The following NKTR variants were observed in gnomAD, a reference collection of about 807,000 sequenced individuals.
NKTR encodes the protein natural killer cell triggering receptor, also known as NK-tumor recognition protein.
In NKTR, 67 loss-of-function variants were observed where a neutral mutation model predicts 156.3. The observed-to-expected ratio is 0.43, with a 90% CI of 0.35 to 0.53. The LOEUF (loss-of-function observed/expected upper bound fraction) is 0.53, where lower values mean the gene tolerates loss of function less well. Among genes scored for constraint, NKTR ranks in the 20% least tolerant of loss-of-function variants. NKTR has a pLI of 0.01. For synonymous variants in NKTR, 640 were observed against 596.6 expected (o/e 1.07, Z -1.06); for missense variants, 1,604 against 1,730.9 (o/e 0.93, Z 1.30).
chr3:42,636,653 TA>T lies in NKTR; in HGVS notation c.1164-205del, dbSNP rs370983074. 8.3e-3 allele frequency among the ~76,000 whole-genome samples: 1,254 copies of T among 150,456 alleles called. 20 individuals carry two copies. The highest frequency in any genetic ancestry group is 0.029 in the African/African-American group (1,174 of 41,152). ...CAAATGTAAGGTTCTTTGCTTAGCT[TA>T]AAAAAAAAATCCTTTTGTAAGTGAA... On this transcript the variant is annotated intron_variant, in intron 12 of 16. Transcript: ENST00000232978.
intron 8 of NKTR, 75 bp from the exon 9 acceptor site, chr3:42,632,526 C>A: frequency 1.2e-6 from 1 of 823,898 alleles, no homozygotes; most frequent in South Asian, 1.8e-5. Flanking sequence ...TTATGATATT[C>A]AGTAATCACA....
chr3:42,633,700 A>G lies in NKTR; in HGVS notation c.894A>G (p.Arg298=). ...PPVPENRFLL[R]RDMPVVTAEP... ...TGCCTGAGAACCGATTTTTACTGAG[A>G]AGAGATATGCCTGTTGTTACTGCAG... The change falls in exon 10 of 17, where the codon AGA becomes AGG. Residue 298 remains arginine (R), a synonymous_variant. Transcript: ENST00000232978. 1.2e-6 allele frequency: 2 copies of G among 1,614,070 alleles called. No individual in the cohort carries two copies.
chr3:42,624,614 T>C (rs1315895008), intron 6 of NKTR, among the ~76,000 whole-genome samples: 1 of 152,138 alleles, frequency 6.6e-6, no homozygotes, highest in African/African-American at 2.4e-5. Flanking sequence ...ATTTACAATC[T>C]GGAAGAAACT....
intron 13 of NKTR, among the ~76,000 whole-genome samples, chr3:42,641,640 G>T (rs940416144): frequency 6.6e-6 from 1 of 152,152 alleles, no homozygotes; most frequent in Non-Finnish European, 1.5e-5. Flanking sequence ...AGTACTTTGG[G>T]AGGCCGAGGT....
chr3:42,624,655 T>C (rs1428737274), intron 6 of NKTR, among the ~76,000 whole-genome samples: 1 of 152,130 alleles, frequency 6.6e-6, no homozygotes, highest in Non-Finnish European at 1.5e-5. Context: ...TGCATACTTA[T>C]TCATATTATT....
Position 42,637,486 on chromosome 3 carries a change from T to C in NKTR, c.1782T>C (p.Asn594=). The part of the protein sequence containing the change: ...PLRATMAQNE[N]VVVQPVVAEN... Reference sequence around the variant, plus strand: ...GAGCAACCATGGCACAAAATGAAAATGTAGTAGTACAACCAGTTGTAGCAG... The same window carrying C: ...GAGCAACCATGGCACAAAATGAAAACGTAGTAGTACAACCAGTTGTAGCAG... The change falls in exon 13 of 17, where the codon AAT becomes AAC. Residue 594 remains asparagine (N), a synonymous_variant. Transcript: ENST00000232978. The C allele has an allele frequency of 6.2e-7, 1 of 1,613,738 alleles. No homozygotes were observed. Among genetic ancestry groups the C allele is most frequent in the Non-Finnish European group, 8.5e-7 (1 of 1,179,928 alleles).
Position 42,632,681 on chromosome 3 carries a change from T to C in NKTR, c.631T>C (p.Ser211Pro). ...CAATTCCTCCTCTTCTTCAGAATCA[T>C]CTTCAGAAAGTGAACTTGAACATGA... ...SSNSSSSSES[S>P]SESELEHERS... Residue 211 changes from serine (S) to proline (P), a missense_variant, in exon 9 of 17, where the codon TCT becomes CCT. Physicochemically the swap from Ser to Pro is moderately conservative, Grantham distance 74. Coordinates refer to ENST00000232978, the MANE Select transcript of NKTR (RefSeq NM_005385.4). The C allele has an allele frequency of 6.2e-7, 1 of 1,613,946 alleles. No homozygotes were observed. The highest frequency in any genetic ancestry group is 1.7e-5 in the Admixed American group (1 of 60,028).
At chr3:42,641,004 C>G (rs1469334395) in intron 13 of NKTR, among the ~76,000 whole-genome samples, 2 of 152,214 alleles carry the variant, frequency 1.3e-5, no homozygotes, top group Non-Finnish European at 2.9e-5. Flanking sequence ...CTTCCCACCT[C>G]TGCCTTGGAG....
At chr3:42,630,950 C>T (rs1708843823) in intron 7 of NKTR, 12 of 1,402,532 alleles carry the variant, frequency 8.6e-6, no homozygotes, top group Non-Finnish European at 1.0e-5. Flanking sequence ...TGGTTAAGAA[C>T]CATTGTTTTA....
intron 6 of NKTR, chr3:42,628,499 T>G: frequency 1.0e-6 from 1 of 985,448 alleles, no homozygotes; most frequent in Non-Finnish European, 1.2e-6. Flanking sequence ...TTTTACAGCC[T>G]TTCTATCAGC....
rs188748544 is a variant in NKTR, at chr3:42,635,202, A to G, written c.1018-19A>G. On this transcript the variant is annotated intron_variant, in intron 11 of 16. Coordinates refer to ENST00000232978, the MANE Select transcript of NKTR (RefSeq NM_005385.4). ...GTGGAGAGGCATTTTTTAAAATACT[A>G]TTGTTTTTGTTTTTAAAGCGCTATC... 5.6e-6 allele frequency: 9 copies of G among 1,603,582 alleles called. No homozygotes were observed. The highest frequency in any genetic ancestry group is 1.7e-4 in the Middle Eastern group (1 of 6,002).
chr3:42,645,804 C>G, intron 16 of NKTR, 84 bp from the exon 17 acceptor site: 1 of 816,926 alleles, frequency 1.2e-6, no homozygotes, highest in Non-Finnish European at 1.9e-6. Flanking sequence ...GTTTTCAAGC[C>G]ACTCATATAA....
At chr3:42,618,619 A>AT (rs202100971) in intron 3 of NKTR, among the ~76,000 whole-genome samples, 69 of 144,998 alleles carry the variant, frequency 4.8e-4, no homozygotes, top group African/African-American at 4.3e-4. Flanking sequence ...TAATTTTTGT[A>AT]TTTTTTTTTT....
chr3:42,601,475 C>T (rs1705458483), intron 2 of NKTR: 1 of 155,380 alleles, frequency 6.4e-6, no homozygotes, highest in Non-Finnish European at 1.4e-5. Context: ...CACGATATAT[C>T]ACTAATATGT....
Position 42,607,969 on chromosome 3 carries a change from C to CTTTTTTTTTTTT in NKTR, c.58+6937_58+6948dup, listed in dbSNP as rs201803926. 4.8e-4 allele frequency among the ~76,000 whole-genome samples: 36 copies of CTTTTTTTTTTTT among 74,958 alleles called. 4 individuals carry two copies. The highest frequency in any genetic ancestry group is 7.1e-4 in the Non-Finnish European group (24 of 33,904). The allele number at this position is 74,958 out of a possible 152,430, so 49.2% of individuals were successfully genotyped here. On this transcript the variant is annotated intron_variant, in intron 2 of 16. Coordinates refer to ENST00000232978, the MANE Select transcript of NKTR (RefSeq NM_005385.4). Reference sequence around the variant, plus strand: ...TGCCAATCGCAAGTCCTGAGTCGCTCTTTTTTTTTTTTTTTTTTTTTTTTT... The same window carrying CTTTTTTTTTTTT: ...TGCCAATCGCAAGTCCTGAGTCGCTCTTTTTTTTTTTTTTTTTTTTTTTTTTTTTTTTTTTTT...
intron 7 of NKTR, 140 bp downstream of exon 7, chr3:42,630,715 C>A (rs939359661): frequency 1.4e-6 from 2 of 1,466,934 alleles, no homozygotes; most frequent in Middle Eastern, 3.7e-4. Flanking sequence ...CTTAGGATCA[C>A]AGAATATACT....
At chr3:42,603,978 C>T (rs923705191) in intron 2 of NKTR, among the ~76,000 whole-genome samples, 7 of 152,100 alleles carry the variant, frequency 4.6e-5, no homozygotes, top group African/African-American at 1.7e-4. Context: ...CTCAAGTGAT[C>T]CGCCCACCTC....
rs138329711 is a variant in NKTR, at chr3:42,638,541, G to C, written c.2837G>C (p.Gly946Ala). The C allele has an allele frequency of 4.4e-4, 711 of 1,613,700 alleles. 3 individuals are homozygous for C. In the African/African-American group the frequency reaches 7.3e-3, roughly 17 times the overall value. The change falls in exon 13 of 17, where the codon GGT becomes GCT. Residue 946 changes from glycine to alanine, a missense_variant. By Grantham distance (60) the Gly-to-Ala change is moderately conservative. Around this residue, in one of 6 missense-constraint regions of NKTR, gnomAD observed 1,255 missense variants for 1,243.7 expected, o/e 1.01. Transcript: ENST00000232978. ...STNTSLPDDN[G>A]AWKSSKQRTS... The stretch of plus-strand genomic sequence containing the variant: ...AATACTTCACTGCCTGATGATAATG[G>C]TGCTTGGAAATCAAGCAAACAGCGC...
intron 5 of NKTR, 48 bp downstream of exon 5, chr3:42,619,756 G>C: frequency 6.2e-7 from 1 of 1,602,012 alleles, no homozygotes; most frequent in Admixed American, 1.7e-5. Context: ...TGATATTAAA[G>C]CAAGTTTGAT....
Sources: gnomAD v4.1 joint callset for allele counts (sites outside exome capture counted in the v4.1 genomes callset) on GRCh38, gnomAD v4.1.1 for gene constraint, gnomAD v4.1.1 regional missense constraint, MANE v1.5 for transcripts, NCBI Gene and HGNC (gene_info 2026-07-23, HGNC 2026-07-21) for gene names.